PRRG1: variants seen among roughly 807,000 people sequenced by gnomAD.
The protein encoded by PRRG1 is proline rich and Gla domain 1, also known as transmembrane gamma-carboxyglutamic acid protein 1.
In PRRG1, 5 loss-of-function variants were observed where a neutral mutation model predicts 11.8. The observed-to-expected ratio is 0.42, with a 90% CI of 0.22 to 0.89. The LOEUF (loss-of-function observed/expected upper bound fraction) is 0.89. Ranked by LOEUF, PRRG1 falls within the 40% of genes least tolerant of loss-of-function variation. The pLI, the probability that PRRG1 is intolerant of heterozygous loss-of-function variation, is 0.28. For synonymous variants in PRRG1, 66 were observed against 60.4 expected, an observed-to-expected ratio of 1.09 and a Z score of -0.43; for missense variants, 155 against 166.1, an observed-to-expected ratio of 0.93 and a Z score of 0.37.
At chrX:37,393,907 C>T (rs1380768788) in intron 1 of PRRG1, among the ~76,000 whole-genome samples, 1 of 111,498 alleles carries the variant, frequency 9.0e-6, no homozygotes, top group African/African-American at 3.3e-5. Flanking sequence ...CTTGGGAATG[C>T]ATTCTGAATC....
chrX:37,365,849 A>T (rs1464593508), intron 1 of PRRG1, among the ~76,000 whole-genome samples: 3 of 111,611 alleles, frequency 2.7e-5, no homozygotes. Flanking sequence ...GAGGTAGTAC[A>T]AGTGCTTCCT....
At chrX:37,376,980 T>G (rs1418808952) in intron 1 of PRRG1, among the ~76,000 whole-genome samples, 1 of 111,021 alleles carries the variant, frequency 9.0e-6, no homozygotes, top group African/African-American at 3.3e-5. Flanking sequence ...AAGTTAGGTA[T>G]TCAGTAAATA....
At chrX:37,384,343 G>A (rs1386486756) in intron 1 of PRRG1, among the ~76,000 whole-genome samples, 2 of 111,483 alleles carry the variant, frequency 1.8e-5, no homozygotes, top group Non-Finnish European at 3.8e-5. Context: ...TATCTCCTAT[G>A]TGTGGCTTAC....
intron 1 of PRRG1, 56 bp downstream of exon 1, chrX:37,349,451 C>A (rs1269882110): frequency 1.8e-5 from 2 of 112,321 alleles, no homozygotes; most frequent in Non-Finnish European, 1.9e-5. Context: ...CCAGGCGAAG[C>A]GCCCCAGGAA....
chrX:37,391,987 T>TG (rs1434185889), intron 1 of PRRG1, among the ~76,000 whole-genome samples: 19 of 108,454 alleles, frequency 1.8e-4, no homozygotes, highest in Admixed American at 4.9e-4. Context: ...GCTTCCTTGT[T>TG]TTTTTTTTTT....
chrX:37,426,198 GA>G (rs1397646009), intron 3 of PRRG1, among the ~76,000 whole-genome samples, 198 bp downstream of exon 3: 2 of 111,416 alleles, frequency 1.8e-5, no homozygotes, highest in African/African-American at 6.5e-5. Context: ...GACTGTCTTT[GA>G]GAGCCCCGTT....
At chrX:37,400,396 G>T (rs1157591518) in intron 1 of PRRG1, among the ~76,000 whole-genome samples, 3 of 111,288 alleles carry the variant, frequency 2.7e-5, no homozygotes, top group Non-Finnish European at 5.7e-5. Flanking sequence ...GGTACATAAC[G>T]AAATGAAGGC....
At chrX:37,432,378 A>ACG (rs1932840874) in intron 3 of PRRG1, among the ~76,000 whole-genome samples, 2 of 111,765 alleles carry the variant, frequency 1.8e-5, no homozygotes, top group Non-Finnish European at 3.8e-5. Context: ...GAGCCACTGC[A>ACG]CCCGGACCGT....
At chrX:37,445,786 C>A (rs931644290) in intron 3 of PRRG1, among the ~76,000 whole-genome samples, 32 of 112,587 alleles carry the variant, frequency 2.8e-4, no homozygotes, top group African/African-American at 1.0e-3. Context: ...AAGCATATGG[C>A]CTAGAAGCCA....
chrX:37,351,047 C>T (rs1029795928), intron 1 of PRRG1, among the ~76,000 whole-genome samples: 12 of 111,273 alleles, frequency 1.1e-4, no homozygotes, highest in Non-Finnish European at 2.1e-4. Context: ...TAATCACACC[C>T]TTTTCTGTTA....
chrX:37,419,189 G>T (rs1932588843), intron 2 of PRRG1, among the ~76,000 whole-genome samples: 1 of 112,032 alleles, frequency 8.9e-6, no homozygotes, highest in Non-Finnish European at 1.9e-5. Flanking sequence ...ATAGTTACTT[G>T]TGATTATCTA....
At chrX:37,426,022 A>G (rs781838726) in intron 3 of PRRG1, 22 bp downstream of exon 3, 3 of 1,153,809 alleles carry the variant, frequency 2.6e-6, no homozygotes, top group Non-Finnish European at 2.3e-6. Flanking sequence ...GGCAATTAAA[A>G]AGTTGCACAG....
At chrX:37,376,569 A>G (rs1398147768) in intron 1 of PRRG1, among the ~76,000 whole-genome samples, 4 of 81,409 alleles carry the variant, frequency 4.9e-5, no homozygotes, top group Non-Finnish European at 7.4e-5. Context: ...ATATATATAT[A>G]TATGTGCTGA....
At chrX:37,351,225 T>G (rs1384463083) in intron 1 of PRRG1, among the ~76,000 whole-genome samples, 2 of 111,703 alleles carry the variant, frequency 1.8e-5, no homozygotes, top group Admixed American at 9.5e-5. Context: ...CCGGGTGCAG[T>G]GGCTTACTCC....
At chrX:37,392,001 T>C (rs182887175) in intron 1 of PRRG1, among the ~76,000 whole-genome samples, 3 of 110,523 alleles carry the variant, frequency 2.7e-5, no homozygotes, top group Admixed American at 9.7e-5. Context: ...TTTTTTTGAC[T>C]TGTTGATGTG....
intron 2 of PRRG1, among the ~76,000 whole-genome samples, chrX:37,419,393 G>T (rs1382714376): frequency 9.0e-6 from 1 of 111,666 alleles, no homozygotes; most frequent in East Asian, 2.8e-4. Flanking sequence ...TAAGTATCAA[G>T]TCCTTATAAT....
chrX:37,441,016 A>G, intron 3 of PRRG1: 1 of 904,390 alleles, frequency 1.1e-6, no homozygotes, highest in Non-Finnish European at 1.4e-6. Context: ...TGATCCTCCT[A>G]CCTTGGCCTC....
intron 2 of PRRG1, among the ~76,000 whole-genome samples, chrX:37,411,017 A>G (rs1030574082): frequency 7.1e-5 from 8 of 112,077 alleles, no homozygotes. Flanking sequence ...ACAAATGTGT[A>G]TGTATAGACT....
chrX:37,368,394 A>G (rs142703063), intron 1 of PRRG1, among the ~76,000 whole-genome samples: 2,181 of 111,697 alleles, frequency 0.02, 52 homozygotes, highest in African/African-American at 0.067. Flanking sequence ...GATCTTTTCT[A>G]TTGAATTGAC....
Sources: allele counts gnomAD v4.1 joint callset (sites outside exome capture counted in the v4.1 genomes callset), GRCh38; gene constraint gnomAD v4.1.1; transcripts MANE v1.5; gene names NCBI Gene and HGNC (gene_info 2026-07-23, HGNC 2026-07-21).